The following GPC5 variants were observed in gnomAD, a reference collection of about 807,000 sequenced individuals.
The protein encoded by GPC5 is glypican-5.
A neutral mutation model predicts 53.9 loss-of-function variants in GPC5; 47 were observed. The ratio of observed to expected loss-of-function variants is 0.87; its 90% CI spans 0.69 to 1.11. The LOEUF is 1.11. GPC5 is among the 50% of genes most tolerant of loss of function. The pLI is 0.00. For missense variants in GPC5, 748 were observed against 713.1 expected (o/e 1.05, Z -0.56); for synonymous variants, 286 against 263.3 (o/e 1.09, Z -0.84).
chr13:92,400,428 A>G (rs1875503409), intron 7 of GPC5, among the ~76,000 whole-genome samples: 2 of 152,198 alleles, frequency 1.3e-5, no homozygotes, highest in Non-Finnish European at 1.5e-5. Context: ...GTATCTCATT[A>G]TTTATGCTTA....
intron 2 of GPC5, among the ~76,000 whole-genome samples, chr13:91,508,161 A>T (rs1277936699): frequency 1.3e-5 from 2 of 152,202 alleles, no homozygotes; most frequent in African/African-American, 2.4e-5. Context: ...TTGGCTTAAA[A>T]ACAGCTCACA....
Position 92,850,893 on chromosome 13 carries a change from A to G in GPC5, c.1562-15389A>G, listed in dbSNP as rs556261426. On this transcript the variant is annotated intron_variant, in intron 7 of 7. Transcript: ENST00000377067. ...ACCTACTTACCTACTGTATTAGTCC[A>G]TTCTCACTCTGCTATAAAGAAATAC... 1.3e-5 allele frequency among the ~76,000 whole-genome samples: 2 copies of G among 152,340 alleles called. 1 individual carries two copies. Among genetic ancestry groups the G allele is most frequent in the African/African-American group, 4.8e-5 (2 of 41,578 alleles).
chr13:91,437,186 C>A (rs1402757950), intron 1 of GPC5, among the ~76,000 whole-genome samples: 1 of 152,160 alleles, frequency 6.6e-6, no homozygotes, highest in Non-Finnish European at 1.5e-5. Context: ...AGCCCATTTA[C>A]ATTTAAGGTT....
intron 6 of GPC5, among the ~76,000 whole-genome samples, chr13:91,990,675 G>A (rs546534341): frequency 1.3e-5 from 2 of 152,288 alleles, no homozygotes; most frequent in South Asian, 4.1e-4. Flanking sequence ...TTGGTGCTGT[G>A]CACAGTGTAT....
chr13:91,629,811 A>C (rs1319482156), intron 2 of GPC5, among the ~76,000 whole-genome samples: 2 of 152,158 alleles, frequency 1.3e-5, no homozygotes, highest in Non-Finnish European at 2.9e-5. Context: ...AAGGTGGGAA[A>C]ATGGTACATT....
intron 6 of GPC5, among the ~76,000 whole-genome samples, chr13:91,972,521 G>A (rs575165906): frequency 1.3e-5 from 2 of 152,188 alleles, no homozygotes; most frequent in East Asian, 3.9e-4. Flanking sequence ...GATGTTAGCT[G>A]GTCATTTTGC....
At chr13:92,440,983 T>C (rs183144930) in intron 7 of GPC5, among the ~76,000 whole-genome samples, 1 of 152,276 alleles carries the variant, frequency 6.6e-6, no homozygotes, top group East Asian at 1.9e-4. Context: ...TGTGGGAGTA[T>C]TTTCTGTAAT....
chr13:91,830,104 C>G (rs1430977335), intron 5 of GPC5, among the ~76,000 whole-genome samples: 3 of 151,998 alleles, frequency 2.0e-5, no homozygotes, highest in Non-Finnish European at 4.4e-5. Context: ...GTCTATTTCA[C>G]CCCTACAGTC....
At chr13:92,207,761 G>A (rs2042347867) in intron 7 of GPC5, among the ~76,000 whole-genome samples, 1 of 152,092 alleles carries the variant, frequency 6.6e-6, no homozygotes, top group Non-Finnish European at 1.5e-5. Context: ...TAGACATTAT[G>A]ACCTGTAAAA....
intron 6 of GPC5, among the ~76,000 whole-genome samples, chr13:91,974,318 G>A (rs955396648): frequency 1.3e-5 from 2 of 152,122 alleles, no homozygotes; most frequent in Non-Finnish European, 2.9e-5. Context: ...AGGGAAAGAG[G>A]AAGTCAAATT....
intron 2 of GPC5, among the ~76,000 whole-genome samples, chr13:91,544,876 G>T (rs999162697): frequency 5.3e-5 from 8 of 152,186 alleles, no homozygotes; most frequent in African/African-American, 7.2e-5. Flanking sequence ...GGCCTGGATT[G>T]CAGTCTTGGC....
chr13:92,294,911 C>A (rs1322237895), intron 7 of GPC5, among the ~76,000 whole-genome samples: 1 of 146,978 alleles, frequency 6.8e-6, no homozygotes, highest in Non-Finnish European at 1.5e-5. Context: ...CTCACTACAA[C>A]CTCTGCCTCC....
intron 7 of GPC5, among the ~76,000 whole-genome samples, chr13:92,245,198 T>C (rs2042641561): frequency 6.6e-6 from 1 of 152,178 alleles, no homozygotes; most frequent in Non-Finnish European, 1.5e-5. Context: ...CCTCTCTTTA[T>C]GGAATATAAT....
intron 2 of GPC5, among the ~76,000 whole-genome samples, chr13:91,594,984 AC>A (rs2032938456): frequency 6.9e-6 from 1 of 144,780 alleles, no homozygotes. Context: ...TTTTTTATTT[AC>A]ATTTATTTAT....
chr13:92,587,178 A>C lies in GPC5; in HGVS notation c.1562-279104A>C, dbSNP rs559486634. Reference sequence around the variant, plus strand: ...ATCTTGTATTAAAAAAATGGAAGAAAAATTCTATTTTCCCTGTTTTCCTTC... The same window carrying C: ...ATCTTGTATTAAAAAAATGGAAGAACAATTCTATTTTCCCTGTTTTCCTTC... On this transcript the variant is annotated intron_variant, in intron 7 of 7. Transcript: ENST00000377067. Among the ~76,000 whole-genome samples the C allele has an allele frequency of 1.3e-3, 198 of 152,294 alleles. 4 individuals are homozygous for C. Among genetic ancestry groups the C allele is most frequent in the South Asian group, 0.013 (61 of 4,826 alleles).
intron 2 of GPC5, among the ~76,000 whole-genome samples, chr13:91,511,408 C>A (rs980506826): frequency 6.6e-6 from 1 of 152,110 alleles, no homozygotes; most frequent in Non-Finnish European, 1.5e-5. Context: ...TGGGTTGATA[C>A]ATTTCTTTTG....
At chr13:91,555,641 T>C (rs1047874043) in intron 2 of GPC5, among the ~76,000 whole-genome samples, 1 of 152,030 alleles carries the variant, frequency 6.6e-6, no homozygotes, top group African/African-American at 2.4e-5. Context: ...TCTGTACTCA[T>C]GTTGCTAAAG....
intron 7 of GPC5, among the ~76,000 whole-genome samples, chr13:92,817,675 AT>A (rs1877523516): frequency 6.6e-6 from 1 of 151,854 alleles, no homozygotes; most frequent in South Asian, 2.1e-4. Flanking sequence ...AAGCCAACAT[AT>A]TTATTTCTTC....
At chr13:91,564,347 A>G (rs2031428728) in intron 2 of GPC5, among the ~76,000 whole-genome samples, 1 of 152,184 alleles carries the variant, frequency 6.6e-6, no homozygotes, top group Non-Finnish European at 1.5e-5. Context: ...GTCAGCTACC[A>G]TCTTAATCAA....
Sources: allele counts gnomAD v4.1 joint callset (sites outside exome capture counted in the v4.1 genomes callset), GRCh38; gene constraint gnomAD v4.1.1; transcripts MANE v1.5; gene names NCBI Gene and HGNC (gene_info 2026-07-23, HGNC 2026-07-21).